AADACL3: variants seen among roughly 807,000 people sequenced by gnomAD.
AADACL3 encodes the protein arylacetamide deacetylase-like 3.
AADACL3 carries 13 observed loss-of-function variants against 13.6 expected under a neutral mutation model. The ratio of observed to expected loss-of-function variants is 0.95; its 90% CI spans 0.62 to 1.52. The LOEUF (loss-of-function observed/expected upper bound fraction) is 1.52, where lower values mean the gene tolerates loss of function less well. Among genes scored for constraint, AADACL3 ranks in the 40% most tolerant of loss-of-function variants. The probability of loss-of-function intolerance (pLI) is 0.00; values close to 1 mark genes in which losing one functional copy is unlikely to be tolerated. For synonymous variants in AADACL3, 195 were observed against 197.0 expected, an observed-to-expected ratio of 0.99 and a Z score of 0.08; for missense variants, 519 against 499.2, an observed-to-expected ratio of 1.04 and a Z score of -0.38.
In AADACL3 at chr1:12,719,340, A is replaced by G. The variant is rs112033958; in HGVS notation, c.169-135A>G. ...TCCTGAGGGAACTGAGGGCTTGAGTAGGGCTGTAATCCAATCTGACTGCAG... is the reference window on the plus strand; with the variant it reads ...TCCTGAGGGAACTGAGGGCTTGAGTGGGGCTGTAATCCAATCTGACTGCAG... On this transcript the variant is annotated intron_variant, in intron 1 of 3. Transcript: ENST00000359318. The G allele has an allele frequency of 6.1e-4, 491 of 804,192 alleles. 4 individuals carry two copies. The African/African-American group carries it at 7.6e-3, about 12-fold the overall frequency. The allele number at this position is 804,192 out of a possible 1,614,324, so 49.8% of individuals were successfully genotyped here. A position where few individuals can be genotyped will look rare whatever the true frequency, so the allele number is the denominator to read the frequency against.
At position 12,716,292 on chromosome 1, in the gene AADACL3, A is replaced by G. The variant is rs1648431382; in HGVS notation, c.116A>G (p.His39Arg). The change falls in exon 1 of 4, where the codon CAC becomes CGC. Residue 39 changes from histidine (H) to arginine (R), a missense_variant. Physicochemically the swap from His to Arg is conservative, Grantham distance 29. Coordinates refer to ENST00000359318, the MANE Select transcript of AADACL3 (RefSeq NM_001103170.3). ...FTVHIPAAVG[H>R]PVKLRVLHCI... ...GTGCACATCCCTGCAGCGGTTGGCC[A>G]CCCTGTGAAACTGAGAGTCCTCCAT... 19 of 1,613,854 alleles carry G rather than the reference A, an allele frequency of 1.2e-5. No homozygotes were observed. Among genetic ancestry groups the G allele is most frequent in the Non-Finnish European group, 1.6e-5 (19 of 1,179,892 alleles).
In AADACL3 at chr1:12,716,337, T is replaced by C. The variant is rs1648432917; in HGVS notation, c.161T>C (p.Leu54Ser). 1 of 1,614,222 alleles carries C rather than the reference T, an allele frequency of 6.2e-7. No homozygotes were observed. Among genetic ancestry groups the C allele is most frequent in the Non-Finnish European group, 8.5e-7 (1 of 1,180,028 alleles). ...RVLHCIFQLLLTWGMIFEKLR... is the reference protein window; with the variant it reads ...RVLHCIFQLLSTWGMIFEKLR... ...CTCCATTGCATCTTCCAGCTGCTGT[T>C]GACTTGGGTGAGTTTTGTGCTTTAT... Residue 54 changes from leucine to serine, a missense_variant, in exon 1 of 4, where the codon TTG becomes TCG. Transcript: ENST00000359318.
chr1:12,717,391 C>A lies in AADACL3; in HGVS notation c.168+1047C>A, dbSNP rs1011595073. Among the ~76,000 whole-genome samples, 4 of 152,154 alleles carry A rather than the reference C, an allele frequency of 2.6e-5. No homozygotes were observed. The East Asian group carries it at 7.7e-4, about 29-fold the overall frequency. Reference sequence around the variant, plus strand: ...CTTTTGCAAAGTAGGGAAAATTGCTCCTACTTCACAGGGTTTTGTGGAGAC... The same window carrying A: ...CTTTTGCAAAGTAGGGAAAATTGCTACTACTTCACAGGGTTTTGTGGAGAC... On this transcript the variant is annotated intron_variant, in intron 1 of 3. Coordinates refer to ENST00000359318, the MANE Select transcript of AADACL3 (RefSeq NM_001103170.3).
intron 3 of AADACL3, 128 bp downstream of exon 3, chr1:12,721,074 A>C (rs1569625821): frequency 3.5e-6 from 2 of 568,696 alleles, no homozygotes; most frequent in East Asian, 9.0e-5. Context: ...GGAAGCCCAG[A>C]GGTGGGGATG....
intron 1 of AADACL3, among the ~76,000 whole-genome samples, chr1:12,717,928 C>T (rs3000857): frequency 0.27 from 40,476 of 151,960 alleles, 7,051 homozygotes; most frequent in African/African-American, 0.48. Context: ...CAACTAACTT[C>T]CAATTGAAAT....
In AADACL3 at chr1:12,725,756, A is replaced by C; in HGVS notation, c.984A>C (p.Ala328=). The change falls in exon 4 of 4, where the codon GCA becomes GCC. Residue 328 remains alanine (A), a synonymous_variant. Coordinates refer to ENST00000359318, the MANE Select transcript of AADACL3 (RefSeq NM_001103170.3). ...VLDVMCSPLI[A]EDDIVSQLPE... The stretch of plus-strand genomic sequence containing the variant: ...ATGTGATGTGCTCGCCCCTGATTGC[A>C]GAAGATGACATAGTGTCTCAGCTCC... 2 of 1,614,186 alleles carry C rather than the reference A, an allele frequency of 1.2e-6. No homozygotes were observed. The highest frequency in any genetic ancestry group is 1.7e-6 in the Non-Finnish European group (2 of 1,180,038).
At position 12,728,080 on chromosome 1, in the gene AADACL3, G is replaced by A. The variant is rs1638409509; in HGVS notation, c.*2084G>A. Reference sequence around the variant, plus strand: ...ATCAAGCACTTTCACCTAATGGCTAGATGATTGATTTTGGGATGAAATTCT... The same window carrying A: ...ATCAAGCACTTTCACCTAATGGCTAAATGATTGATTTTGGGATGAAATTCT... On this transcript the variant is annotated 3_prime_UTR_variant, in exon 4 of 4. Transcript: ENST00000359318. 1 of 152,242 alleles carries A rather than the reference G, an allele frequency of 6.6e-6. No individual in the cohort carries two copies. Among genetic ancestry groups the A allele is most frequent in the Non-Finnish European group, 1.5e-5 (1 of 68,048 alleles). The allele number at this position is 152,242 out of a possible 1,614,324, so 9.4% of individuals were successfully genotyped here.
chr1:12,725,672 A>G lies in AADACL3; in HGVS notation c.900A>G (p.Gln300=), dbSNP rs772873052. The change falls in exon 4 of 4, where the codon CAA becomes CAG. Residue 300 remains glutamine (Q), a synonymous_variant. Transcript: ENST00000359318. The part of the protein sequence containing the change: ...IPERFKERGY[Q]LKPHEPMNEA... ...AGAGGTTTAAGGAGAGGGGTTACCA[A>G]CTGAAGCCCCATGAGCCCATGAATG... 12 of 1,614,022 alleles carry G rather than the reference A, an allele frequency of 7.4e-6. No individual in the cohort carries two copies. Among genetic ancestry groups the G allele is most frequent in the African/African-American group, 6.7e-5 (5 of 74,900 alleles).
intron 3 of AADACL3, 35 bp from the exon 4 acceptor site, chr1:12,725,187 G>C (rs1289953152): frequency 7.7e-6 from 12 of 1,551,956 alleles, no homozygotes; most frequent in Non-Finnish European, 9.6e-6. Flanking sequence ...GATCTGCCGG[G>C]GCGTTATCAA....
chr1:12,718,001 C>T (rs1161937989), intron 1 of AADACL3, among the ~76,000 whole-genome samples: 1 of 152,094 alleles, frequency 6.6e-6, no homozygotes, highest in Non-Finnish European at 1.5e-5. Context: ...GACTTTTCAC[C>T]AAGAGAAATC....
intron 3 of AADACL3, among the ~76,000 whole-genome samples, chr1:12,722,735 C>T (rs1251843962): frequency 2.7e-5 from 4 of 150,816 alleles, no homozygotes; most frequent in African/African-American, 7.3e-5. Context: ...AACTTTCTCA[C>T]AAAACCTGGA....
chr1:12,723,947 G>A (rs927002291), intron 3 of AADACL3, among the ~76,000 whole-genome samples: 1 of 151,384 alleles, frequency 6.6e-6, no homozygotes, highest in Non-Finnish European at 1.5e-5. Flanking sequence ...ACCACGCCCG[G>A]TTAATTTTGT....
chr1:12,723,540 C>T (rs573567966), intron 3 of AADACL3, among the ~76,000 whole-genome samples: 19 of 152,110 alleles, frequency 1.2e-4, no homozygotes, highest in Non-Finnish European at 2.2e-4. Context: ...TACAGTGGTG[C>T]GATCTCAGCT....
intron 3 of AADACL3, among the ~76,000 whole-genome samples, chr1:12,724,657 T>TA (rs942932080): frequency 2.6e-5 from 4 of 152,054 alleles, no homozygotes; most frequent in African/African-American, 9.7e-5. Flanking sequence ...GCTAATTTTT[T>TA]ATACTCTTTG....
chr1:12,719,969 G>A (rs1648532550), intron 2 of AADACL3, among the ~76,000 whole-genome samples: 1 of 152,008 alleles, frequency 6.6e-6, no homozygotes, highest in African/African-American at 2.4e-5. Context: ...ACCCTTACTT[G>A]CATTTATATG....
Position 12,725,691 on chromosome 1 carries a change from A to C in AADACL3, c.919A>C (p.Met307Leu). ...TTACCAACTGAAGCCCCATGAGCCC[A>C]TGAATGAAGCTGCTTACTTGGAAGT... ...RGYQLKPHEP[M>L]NEAAYLEVSV... Residue 307 changes from methionine to leucine, a missense_variant, in exon 4 of 4, where the codon ATG becomes CTG. Met to Leu is a conservative substitution (Grantham distance 15, BLOSUM62 2). Transcript: ENST00000359318. The C allele has an allele frequency of 6.2e-7, 1 of 1,614,178 alleles. No individual in the cohort carries two copies. The highest frequency in any genetic ancestry group is 8.5e-7 in the Non-Finnish European group (1 of 1,180,022).
intron 1 of AADACL3, among the ~76,000 whole-genome samples, chr1:12,719,135 G>A (rs1648507367): frequency 6.6e-6 from 1 of 152,196 alleles, no homozygotes; most frequent in Admixed American, 6.5e-5. Context: ...TTGCGCCCAG[G>A]CTGAGGTGGA....
rs919789789 is a variant in AADACL3 at position 12,726,715 on chromosome 1, A to G, written c.*719A>G. ...GTCTTCCAACCAGAAGCCCCAAGGC[A>G]ATGTTCTAAGAATTTGAGAAGAGAA... On this transcript the variant is annotated 3_prime_UTR_variant, in exon 4 of 4. Transcript: ENST00000359318. 6.6e-6 allele frequency: 1 copy of G among 152,218 alleles called. No homozygotes were observed. The highest frequency in any genetic ancestry group is 1.5e-5 in the Non-Finnish European group (1 of 68,058). The allele number at this position is 152,218 out of a possible 1,614,324, so 9.4% of individuals were successfully genotyped here. A position where few individuals can be genotyped will look rare whatever the true frequency, so the allele number is the denominator to read the frequency against.
At chr1:12,723,151 T>C (rs1327206513) in intron 3 of AADACL3, among the ~76,000 whole-genome samples, 1 of 152,012 alleles carries the variant, frequency 6.6e-6, no homozygotes, top group Non-Finnish European at 1.5e-5. Context: ...AGGTTATAAG[T>C]GTGAGCCACT....
Sources: allele counts gnomAD v4.1 joint callset (sites outside exome capture counted in the v4.1 genomes callset), GRCh38; gene constraint gnomAD v4.1.1; transcripts MANE v1.5; gene names NCBI Gene and HGNC (gene_info 2026-07-23, HGNC 2026-07-21).